Variants in RALGPS1 observed in about 807,000 individuals in gnomAD.
RALGPS1 encodes ras-specific guanine nucleotide-releasing factor RalGPS1.
In RALGPS1, 19 loss-of-function variants were observed where a neutral mutation model predicts 78.8. That is an observed-to-expected ratio of 0.24 (90% CI 0.17 to 0.35). The LOEUF is 0.35. Ranked by LOEUF, RALGPS1 falls within the 10% of genes least tolerant of loss-of-function variation. RALGPS1 has a pLI of 1.00. For synonymous variants in RALGPS1, 228 were observed against 256.3 expected, an observed-to-expected ratio of 0.89 and a Z score of 1.06; for missense variants, 454 against 688.3, an observed-to-expected ratio of 0.66 and a Z score of 3.81.
chr9:127,200,762 A>C (rs950711919), intron 14 of RALGPS1, among the ~76,000 whole-genome samples: 1 of 152,226 alleles, frequency 6.6e-6, no homozygotes, highest in South Asian at 2.1e-4. Context: ...AACTCTCAGC[A>C]TCAGTCAGGG....
At chr9:126,930,343 A>C (rs1468570848) in intron 1 of RALGPS1, among the ~76,000 whole-genome samples, 1 of 152,038 alleles carries the variant, frequency 6.6e-6, no homozygotes, top group East Asian at 1.9e-4. Context: ...ATATCTCCAA[A>C]TGTTGGCAAA....
At chr9:127,006,117 A>G in intron 4 of RALGPS1, among the ~76,000 whole-genome samples, 1 of 152,236 alleles carries the variant, frequency 6.6e-6, no homozygotes, top group Non-Finnish European at 1.5e-5. Context: ...CTGAATGGGC[A>G]AGAGCTAGAA....
rs943779834 is a variant in RALGPS1 at position 127,122,282 on chromosome 9, CT to C, written c.611-43786del. The C allele has an allele frequency of 1.3e-5, 2 of 152,382 alleles. No homozygotes were observed. The highest frequency in any genetic ancestry group is 2.4e-5 in the African/African-American group (1 of 41,480). The allele number at this position is 152,382 out of a possible 1,614,324, so 9.4% of individuals were successfully genotyped here. On this transcript the variant is annotated intron_variant, in intron 8 of 18. Transcript: ENST00000259351. The surrounding 1 kb of genome is among the most constrained non-coding windows in gnomAD (Gnocchi z 6.4). ...CGGGGCCAGCGGCTGCCTCTCGCCC[CT>C]GCCTCTCATGGCCGCAGAGCTGGCC...
rs908025486 is a variant in RALGPS1, at chr9:127,091,113, C to T, written c.610+21757C>T. Among the ~76,000 whole-genome samples, 1 of 152,250 alleles carries T rather than the reference C, an allele frequency of 6.6e-6. No individual in the cohort carries two copies. Among genetic ancestry groups the T allele is most frequent in the Non-Finnish European group, 1.5e-5 (1 of 68,042 alleles). On this transcript the variant is annotated intron_variant, in intron 8 of 18. Coordinates refer to ENST00000259351, the MANE Select transcript of RALGPS1 (RefSeq NM_014636.3). This position sits in a 1 kb window ranked among gnomAD's most constrained non-coding sequence, Gnocchi z 4.3. ...AGAAAGCCAGTTTGTATGGAGCCCT[C>T]GCTATGTGCCAAATCCTAGACAAAG...
At position 127,211,783 on chromosome 9, in the gene RALGPS1, TC is replaced by T. The variant is rs1166209271; in HGVS notation, c.1248-346del. 6.6e-6 allele frequency among the ~76,000 whole-genome samples: 1 copy of T among 152,134 alleles called. No homozygotes were observed. The highest frequency in any genetic ancestry group is 1.9e-4 in the East Asian group (1 of 5,176). On this transcript the variant is annotated intron_variant, in intron 14 of 18. Coordinates refer to ENST00000259351, the MANE Select transcript of RALGPS1 (RefSeq NM_014636.3). The surrounding 1 kb of genome is among the most constrained non-coding windows in gnomAD (Gnocchi z 5.0). ...GAGCTGGGGCTTCACAGGCACCAGC[TC>T]CTCAGGTGTGGAGGAGCCCACGCCA... is the stretch of plus-strand genomic sequence containing the variant.
At chr9:127,089,088 G>A in intron 8 of RALGPS1, 1 of 1,614,224 alleles carries the variant, frequency 6.2e-7, no homozygotes. Context: ...AGGTTGGAGT[G>A]GGCACAGGCG....
At chr9:127,038,817 G>T (rs1334844772) in intron 5 of RALGPS1, among the ~76,000 whole-genome samples, 1 of 152,206 alleles carries the variant, frequency 6.6e-6, no homozygotes, top group African/African-American at 2.4e-5. Flanking sequence ...TTCAATCTGA[G>T]TGAGGGATTG....
intron 8 of RALGPS1, among the ~76,000 whole-genome samples, chr9:127,101,858 A>G (rs1329054380): frequency 6.6e-6 from 1 of 152,216 alleles, no homozygotes; most frequent in East Asian, 1.9e-4. Context: ...CTCTGTGTGT[A>G]TAGTAGTTTT....
At chr9:126,958,842 C>T (rs764726073) in intron 1 of RALGPS1, among the ~76,000 whole-genome samples, 2 of 152,126 alleles carry the variant, frequency 1.3e-5, no homozygotes, top group South Asian at 2.1e-4. Flanking sequence ...GAATACCAAA[C>T]GATCTTTCAA....
chr9:127,052,761 T>C lies in RALGPS1; in HGVS notation c.391-86T>C, dbSNP rs1188173639. 12 of 842,414 alleles carry C rather than the reference T, an allele frequency of 1.4e-5. No homozygotes were observed. The Admixed American group carries it at 2.6e-4, about 18-fold the overall frequency. 52.2% of individuals were successfully genotyped at this position (842,414 alleles called of 1,614,324 possible). On this transcript the variant is annotated intron_variant, in intron 6 of 18. Transcript: ENST00000259351. ...TATTTTTAAGTGTAATTGAATTTCA[T>C]AAATATGACATTTGGTAACACTTGA...
intron 18 of RALGPS1, chr9:127,216,761 C>A: frequency 1.5e-6 from 1 of 687,530 alleles, no homozygotes; most frequent in Non-Finnish European, 2.1e-6. Context: ...AACAAGGCTG[C>A]CGCCGCCCCA....
chr9:126,990,743 TACG>T (rs1401827812), intron 4 of RALGPS1, among the ~76,000 whole-genome samples: 3 of 152,226 alleles, frequency 2.0e-5, no homozygotes, highest in African/African-American at 7.2e-5. Context: ...ACTGAAATAT[TACG>T]ACTTTTAAAA....
chr9:127,198,471 G>A (rs2061455021), intron 13 of RALGPS1, among the ~76,000 whole-genome samples: 1 of 152,236 alleles, frequency 6.6e-6, no homozygotes. Context: ...AGAGGGACAG[G>A]CCTGAAGGAG....
At chr9:126,931,085 A>G (rs777290523) in intron 1 of RALGPS1, among the ~76,000 whole-genome samples, 25 of 152,234 alleles carry the variant, frequency 1.6e-4, no homozygotes, top group Admixed American at 3.3e-4. Context: ...GGTTCCTTCT[A>G]AGTCCAAAGT....
At chr9:127,065,479 C>T (rs1046172531) in intron 7 of RALGPS1, among the ~76,000 whole-genome samples, 4 of 152,128 alleles carry the variant, frequency 2.6e-5, no homozygotes, top group Non-Finnish European at 4.4e-5. Context: ...CCTGGCCTCC[C>T]AAAGTAGTGA....
At chr9:127,195,406 G>A (rs2061303806) in intron 12 of RALGPS1, among the ~76,000 whole-genome samples, 189 bp downstream of exon 12, 1 of 152,208 alleles carries the variant, frequency 6.6e-6, no homozygotes, top group African/African-American at 2.4e-5. Flanking sequence ...GGAGCTGAGG[G>A]GCACTGTGGC....
chr9:126,965,860 A>G lies in RALGPS1; in HGVS notation c.74A>G (p.Asp25Gly). ...TCTCCACAGGGCAGCAGCAGCTCGG[A>G]CTCTCTGGAGGGCCAGAGCTGCGAC... The part of the protein sequence containing the change: ...SATPQGSSSS[D>G]SLEGQSCDYA... Residue 25 changes from aspartate (D) to glycine (G), a missense_variant, in exon 3 of 19, where the codon GAC (aspartate) becomes GGC (glycine). Physicochemically the swap from Asp to Gly is moderately conservative, Grantham distance 94. Coordinates refer to ENST00000259351, the MANE Select transcript of RALGPS1 (RefSeq NM_014636.3). 1 of 1,613,754 alleles carries G rather than the reference A, an allele frequency of 6.2e-7. No individual in the cohort carries two copies. Among genetic ancestry groups the G allele is most frequent in the Non-Finnish European group, 8.5e-7 (1 of 1,179,804 alleles).
chr9:126,989,513 C>G (rs1564371677), intron 4 of RALGPS1, among the ~76,000 whole-genome samples: 1 of 152,100 alleles, frequency 6.6e-6, no homozygotes, highest in Non-Finnish European at 1.5e-5. Flanking sequence ...GGTGAGGAAC[C>G]AGAACATCCC....
chr9:127,085,112 G>A (rs1476257730), intron 8 of RALGPS1, among the ~76,000 whole-genome samples: 1 of 152,126 alleles, frequency 6.6e-6, no homozygotes, highest in Non-Finnish European at 1.5e-5. Flanking sequence ...TACGGGGAGG[G>A]GGTCTTTTTC....
Sources: gnomAD v4.1 joint callset for allele counts (sites outside exome capture counted in the v4.1 genomes callset) on GRCh38, gnomAD v4.1.1 for gene constraint, Gnocchi (gnomAD v3.1) non-coding constraint, MANE v1.5 for transcripts, NCBI Gene and HGNC (gene_info 2026-07-23, HGNC 2026-07-21) for gene names.